The following NFX1 variants were observed in gnomAD, a reference collection of about 807,000 sequenced individuals.
NFX1 encodes the protein transcriptional repressor NF-X1.
In NFX1, 69 loss-of-function variants were observed where a neutral mutation model predicts 137.2. The observed-to-expected ratio is 0.50, with a 90% CI of 0.41 to 0.61. NFX1 has a LOEUF of 0.61. NFX1 is among the 20% of genes least tolerant of loss of function. NFX1 has a pLI of 0.00. For missense variants in NFX1, 1,167 were observed against 1,391.0 expected (o/e 0.84, Z 2.56); for synonymous variants, 495 against 474.1 (o/e 1.04, Z -0.57).
chr9:33,360,409 G>A (rs888705358), intron 19 of NFX1, among the ~76,000 whole-genome samples: 1 of 152,124 alleles, frequency 6.6e-6, no homozygotes, highest in Admixed American at 6.5e-5. Flanking sequence ...TACTCATAAA[G>A]CTCTTGGCAC....
At chr9:33,366,797 G>A (rs1033558480) in intron 22 of NFX1, 23 bp downstream of exon 22, 1 of 1,609,832 alleles carries the variant, frequency 6.2e-7, no homozygotes, top group South Asian at 1.1e-5. Context: ...CGCCGTCAGA[G>A]GAAGAACTCC....
chr9:33,295,576 A>G, intron 2 of NFX1, 149 bp downstream of exon 2: 1 of 919,018 alleles, frequency 1.1e-6, no homozygotes, highest in East Asian at 2.7e-5. Context: ...CCTAAGTTCT[A>G]CCACCACTCG....
chr9:33,370,298 T>A lies in NFX1; in HGVS notation c.*320T>A, dbSNP rs1309461987. 4.9e-5 allele frequency: 10 copies of A among 205,766 alleles called. 1 individual carries two copies. In the East Asian group the frequency reaches 1.1e-3, roughly 23 times the overall value. 12.7% of individuals were successfully genotyped at this position (205,766 alleles called of 1,614,324 possible). ...GGCTTTATTTGGACAAACCAAACTT[T>A]TAGCCTGAAACCAACTTTATGCCAC... On this transcript the variant is annotated 3_prime_UTR_variant, in exon 24 of 24. Transcript: ENST00000379540.
chr9:33,365,067 A>T (rs1490887017), intron 21 of NFX1: 3 of 973,076 alleles, frequency 3.1e-6, no homozygotes, highest in Middle Eastern at 4.3e-4. Context: ...TGAGGTCAGG[A>T]GTTCTAGATC....
chr9:33,321,255 G>A (rs1230969823), intron 9 of NFX1, among the ~76,000 whole-genome samples: 1 of 152,170 alleles, frequency 6.6e-6, no homozygotes, highest in African/African-American at 2.4e-5. Context: ...GATGGGACAA[G>A]ACCAGGTTAA....
At chr9:33,367,962 G>A (rs532189373) in intron 23 of NFX1, among the ~76,000 whole-genome samples, 1 of 152,296 alleles carries the variant, frequency 6.6e-6, no homozygotes, top group East Asian at 1.9e-4. Flanking sequence ...GGCCGGGCGC[G>A]GTGGCTCACG....
At chr9:33,317,622 C>T (rs1359426041) in intron 7 of NFX1, among the ~76,000 whole-genome samples, 3 of 151,098 alleles carry the variant, frequency 2.0e-5, no homozygotes, top group Non-Finnish European at 4.4e-5. Flanking sequence ...TGTGTTCACA[C>T]CACTGTACTC....
intron 12 of NFX1, among the ~76,000 whole-genome samples, chr9:33,338,964 C>T (rs1823116283): frequency 6.6e-6 from 1 of 152,132 alleles, no homozygotes; most frequent in Non-Finnish European, 1.5e-5. Flanking sequence ...GTTTCATGTA[C>T]TGCTTAGGTC....
At chr9:33,368,367 A>T (rs912642414) in intron 23 of NFX1, among the ~76,000 whole-genome samples, 1 of 152,234 alleles carries the variant, frequency 6.6e-6, no homozygotes, top group African/African-American at 2.4e-5. Context: ...TTTTATAACA[A>T]ACATATTCAT....
rs774052053 is a variant in NFX1, at chr9:33,344,240, G to T, written c.2344+52G>T. 3 of 1,609,472 alleles carry T rather than the reference G, an allele frequency of 1.9e-6. No homozygotes were observed. In the South Asian group the frequency reaches 3.3e-5, roughly 18 times the overall value. ...CAGCCTGCTCACACCATGTCATTTA[G>T]GATCCTGCTGTGTTACTGTCTTCAC... On this transcript the variant is annotated intron_variant, in intron 14 of 23. Coordinates refer to ENST00000379540, the MANE Select transcript of NFX1 (RefSeq NM_002504.6).
In NFX1 at chr9:33,294,493, G is replaced by T; in HGVS notation, c.99G>T (p.Gly33=). 1.9e-6 allele frequency: 3 copies of T among 1,611,502 alleles called. No individual in the cohort carries two copies. The highest frequency in any genetic ancestry group is 2.2e-5 in the South Asian group (2 of 90,766). ...QEKKNSGLNC[G]TQRRLDSNRI... is the part of the protein sequence containing the mutation. Reference sequence around the variant, plus strand: ...AAAAAAATTCTGGTCTAAATTGTGGGACTCAAAGGAGACTAGACTCTAATA... The same window carrying T: ...AAAAAAATTCTGGTCTAAATTGTGGTACTCAAAGGAGACTAGACTCTAATA... The change falls in exon 2 of 24, where the codon GGG becomes GGT. Residue 33 remains glycine (G), a synonymous_variant. Transcript: ENST00000379540.
intron 14 of NFX1, 87 bp from the exon 15 acceptor site, chr9:33,346,951 C>G: frequency 1.0e-6 from 1 of 975,260 alleles, no homozygotes; most frequent in East Asian, 2.6e-5. Context: ...TTAAAAGTTT[C>G]ATGCCGTATG....
At chr9:33,317,973 CA>C (rs5897542) in intron 7 of NFX1, among the ~76,000 whole-genome samples, 113 of 44,388 alleles carry the variant, frequency 2.5e-3, no homozygotes, top group African/African-American at 0.01. Flanking sequence ...GACTCTGTCT[CA>C]AAAAAAAAAA....
At chr9:33,312,726 C>T (rs1822007613) in intron 6 of NFX1, among the ~76,000 whole-genome samples, 2 of 152,150 alleles carry the variant, frequency 1.3e-5, no homozygotes, top group South Asian at 2.1e-4. Context: ...CAAAAATTGG[C>T]TGGGTGTGGT....
At chr9:33,304,337 A>T (rs1456090856) in intron 4 of NFX1, among the ~76,000 whole-genome samples, 1 of 152,350 alleles carries the variant, frequency 6.6e-6, no homozygotes, top group East Asian at 1.9e-4. Context: ...GGCTGATTTT[A>T]TAAGCTCATA....
Position 33,351,695 on chromosome 9 carries a change from C to T in NFX1, c.2560C>T (p.Gln854Ter), listed in dbSNP as rs1191193173. The stretch of plus-strand genomic sequence containing the variant: ...GTGTCTTGTGGATGAGCCCTGCAAG[C>T]AGCCCTGCACCACCCCCAGAGCTGA... ...GECLVDEPCK[Q>*]PCTTPRADCG... Residue 854 changes from glutamine to a stop codon, truncating the protein, a stop_gained, in exon 16 of 24, where the codon CAG (glutamine) becomes TAG (stop). Coordinates refer to ENST00000379540, the MANE Select transcript of NFX1 (RefSeq NM_002504.6). LOFTEE classifies it high-confidence loss of function. The T allele has an allele frequency of 3.7e-6, 6 of 1,613,934 alleles. No individual in the cohort carries two copies. The highest frequency in any genetic ancestry group is 2.2e-5 in the East Asian group (1 of 44,884).
At chr9:33,358,633 C>G (rs76482792) in intron 19 of NFX1, among the ~76,000 whole-genome samples, 5,394 of 97,750 alleles carry the variant, frequency 0.055, 138 homozygotes, top group Middle Eastern at 0.081. Context: ...CAAAAAAATT[C>G]TGTGAATGGC....
intron 7 of NFX1, among the ~76,000 whole-genome samples, chr9:33,315,727 C>CAAAAAAAAA (rs1564113996): frequency 6.8e-6 from 1 of 147,364 alleles, no homozygotes. Context: ...TCTCTAACAA[C>CAAAAAAAAA]AACAAAAAAA....
chr9:33,347,000 T>G (rs1399109452), intron 14 of NFX1, 38 bp from the exon 15 acceptor site: 1 of 1,526,096 alleles, frequency 6.6e-7, no homozygotes, highest in Admixed American at 1.7e-5. Flanking sequence ...TGGCTTTATT[T>G]AGAAAGTATT....
Sources: gnomAD v4.1 joint callset for allele counts (sites outside exome capture counted in the v4.1 genomes callset) on GRCh38, gnomAD v4.1.1 for gene constraint, MANE v1.5 for transcripts, NCBI Gene and HGNC (gene_info 2026-07-23, HGNC 2026-07-21) for gene names.